CMIP: variants seen among roughly 807,000 people sequenced by gnomAD.
CMIP encodes the protein c-Maf inducing protein, also known as C-Maf-inducing protein.
Under a neutral mutation model 97.3 loss-of-function variants are expected in CMIP, and 13 were observed. That is an observed-to-expected ratio of 0.13 (90% CI 0.09 to 0.21). The LOEUF (loss-of-function observed/expected upper bound fraction) is 0.21, where lower values mean the gene tolerates loss of function less well. Among genes scored for constraint, CMIP ranks in the 10% least tolerant of loss-of-function variants. The pLI, the probability that CMIP is intolerant of heterozygous loss-of-function variation, is 1.00. For missense variants in CMIP, 847 were observed against 1,024.9 expected, an observed-to-expected ratio of 0.83 and a Z score of 2.37; for synonymous variants, 538 against 436.3, an observed-to-expected ratio of 1.23 and a Z score of -2.91.
chr16:81,463,393 GC>G (rs1907004637), intron 1 of CMIP, among the ~76,000 whole-genome samples: 1 of 152,190 alleles, frequency 6.6e-6, no homozygotes, highest in Admixed American at 6.5e-5. Context: ...ACTGAATTTT[GC>G]ATTTGCATGT....
chr16:81,662,011 A>AT (rs1555546011), intron 6 of CMIP, among the ~76,000 whole-genome samples: 1 of 152,140 alleles, frequency 6.6e-6, no homozygotes, highest in East Asian at 1.9e-4. Flanking sequence ...GTGTGTGTGT[A>AT]TACAGGTGTG....
At chr16:81,462,614 T>G (rs1390534096) in intron 1 of CMIP, among the ~76,000 whole-genome samples, 1 of 152,254 alleles carries the variant, frequency 6.6e-6, no homozygotes, top group Admixed American at 6.5e-5. Context: ...CTGTACTTGC[T>G]TGAGCTGTGT....
intron 1 of CMIP, among the ~76,000 whole-genome samples, chr16:81,598,311 C>T (rs1422603930): frequency 6.6e-6 from 1 of 152,142 alleles, no homozygotes; most frequent in Non-Finnish European, 1.5e-5. Context: ...CAGGGCGGCG[C>T]CTGGCCACAT....
chr16:81,576,097 A>G (rs1017149021), intron 1 of CMIP, among the ~76,000 whole-genome samples: 1 of 152,140 alleles, frequency 6.6e-6, no homozygotes, highest in Admixed American at 6.5e-5. Flanking sequence ...ATTTTCTTGC[A>G]TACCTCTAAG....
chr16:81,606,627 C>T lies in CMIP; in HGVS notation c.301-940C>T, dbSNP rs904708978. Among the ~76,000 whole-genome samples the T allele has an allele frequency of 3.9e-5, 6 of 152,314 alleles. No individual in the cohort carries two copies. In the South Asian group the frequency reaches 8.3e-4, roughly 21 times the overall value. ...TTCAACACATGCTATTGAGCACTTG[C>T]CATGAGCCAGGCACTGGGGAAAGAG... On this transcript the variant is annotated intron_variant, in intron 1 of 20. Coordinates refer to ENST00000537098, the MANE Select transcript of CMIP (RefSeq NM_198390.3).
intron 10 of CMIP, among the ~76,000 whole-genome samples, chr16:81,685,878 T>TA (rs1351400214): frequency 1.3e-5 from 2 of 152,120 alleles, no homozygotes; most frequent in African/African-American, 4.8e-5. Context: ...GTCCTTGTGA[T>TA]ATAGGGAGAT....
chr16:81,678,238 C>A, intron 9 of CMIP, 37 bp from the exon 10 acceptor site: 1 of 1,493,862 alleles, frequency 6.7e-7, no homozygotes, highest in Admixed American at 1.9e-5. Context: ...ATGAACGGTG[C>A]CTGTACTCAT....
intron 7 of CMIP, among the ~76,000 whole-genome samples, chr16:81,668,824 CACTG>C: frequency 6.6e-6 from 1 of 151,100 alleles, no homozygotes; most frequent in African/African-American, 2.4e-5. Flanking sequence ...ACCTCACACT[CACTG>C]CCTTCCACAC....
intron 1 of CMIP, among the ~76,000 whole-genome samples, chr16:81,525,462 T>C (rs562698669): frequency 1.3e-5 from 2 of 150,224 alleles, no homozygotes; most frequent in East Asian, 3.9e-4. Flanking sequence ...ATTTCCTTAA[T>C]TTTTTTTTTA....
At chr16:81,670,284 C>T (rs1220968006) in intron 8 of CMIP, 39 bp downstream of exon 8, 1 of 1,568,744 alleles carries the variant, frequency 6.4e-7, no homozygotes, top group South Asian at 1.2e-5. Flanking sequence ...GGCCTAGGAG[C>T]CACTTTCCTC....
chr16:81,522,085 C>G (rs571391010), intron 1 of CMIP, among the ~76,000 whole-genome samples: 1 of 152,190 alleles, frequency 6.6e-6, no homozygotes, highest in South Asian at 2.1e-4. Context: ...CTTGTCCATT[C>G]ACACTTGATA....
At chr16:81,703,680 G>C (rs73602426) in intron 17 of CMIP, among the ~76,000 whole-genome samples, 18,564 of 151,986 alleles carry the variant, frequency 0.12, 1,273 homozygotes, top group African/African-American at 0.18. Flanking sequence ...GTGCCTCAGG[G>C]TGTGAGTCAC....
intron 14 of CMIP, chr16:81,698,121 T>C (rs999921778): frequency 6.6e-6 from 1 of 150,458 alleles, no homozygotes; most frequent in South Asian, 2.1e-4. Flanking sequence ...GGAAAAAATA[T>C]ACACAAGGAA....
chr16:81,709,637 G>A, intron 20 of CMIP, 109 bp from the exon 21 acceptor site: 7 of 1,241,816 alleles, frequency 5.6e-6, no homozygotes, highest in Non-Finnish European at 6.9e-6. Flanking sequence ...ACCAAGGTGG[G>A]GAGAGGGTGG....
chr16:81,632,645 G>A (rs564019998), intron 3 of CMIP, among the ~76,000 whole-genome samples: 33 of 152,206 alleles, frequency 2.2e-4, no homozygotes, highest in South Asian at 8.3e-4. Flanking sequence ...AGTACAAGGC[G>A]GTTTGCTGCC....
chr16:81,630,259 A>G (rs1022061388), intron 3 of CMIP: 1 of 152,262 alleles, frequency 6.6e-6, no homozygotes, highest in African/African-American at 2.4e-5. Flanking sequence ...CTACAAGGAC[A>G]CAGAGGAAAA....
At chr16:81,609,460 CTT>C (rs1460440422) in intron 2 of CMIP, among the ~76,000 whole-genome samples, 1 of 152,234 alleles carries the variant, frequency 6.6e-6, no homozygotes, top group Non-Finnish European at 1.5e-5. Flanking sequence ...ACCCCAATGA[CTT>C]TGCTGTAGTC....
At chr16:81,486,488 C>G (rs1213680716) in intron 1 of CMIP, among the ~76,000 whole-genome samples, 1 of 152,178 alleles carries the variant, frequency 6.6e-6, no homozygotes, top group Non-Finnish European at 1.5e-5. Context: ...CACTTCGGGT[C>G]CTCGCTGGAG....
rs1417934990 is a variant in CMIP at position 81,655,616 on chromosome 16, G to T, written c.640-2159G>T. Among the ~76,000 whole-genome samples, 12 of 152,202 alleles carry T rather than the reference G, an allele frequency of 7.9e-5. No homozygotes were observed. The highest frequency in any genetic ancestry group is 2.2e-4 in the African/African-American group (9 of 41,448). Reference sequence around the variant, plus strand: ...TGGGACAAAGGAAATGATGTCCGTGGTCGCCAAAGCCTTCCTGGAAAGGTG... The same window carrying T: ...TGGGACAAAGGAAATGATGTCCGTGTTCGCCAAAGCCTTCCTGGAAAGGTG... On this transcript the variant is annotated intron_variant, in intron 4 of 20. Coordinates refer to ENST00000537098, the MANE Select transcript of CMIP (RefSeq NM_198390.3). This position sits in a 1 kb window ranked among gnomAD's most constrained non-coding sequence, Gnocchi z 4.9.
Sources: gnomAD v4.1 joint callset for allele counts (sites outside exome capture counted in the v4.1 genomes callset) on GRCh38, gnomAD v4.1.1 for gene constraint, Gnocchi (gnomAD v3.1) non-coding constraint, MANE v1.5 for transcripts, NCBI Gene and HGNC (gene_info 2026-07-23, HGNC 2026-07-21) for gene names.